TEP1: variants seen among roughly 807,000 people sequenced by gnomAD.
TEP1 encodes the protein telomerase associated protein 1.
In TEP1, 241 loss-of-function variants were observed where a neutral mutation model predicts 306.3. The ratio of observed to expected loss-of-function variants is 0.79; its 90% CI spans 0.71 to 0.88. The LOEUF (loss-of-function observed/expected upper bound fraction) is 0.88. Among genes scored for constraint, TEP1 ranks in the 40% least tolerant of loss-of-function variants. The probability of loss-of-function intolerance (pLI) is 0.00; values close to 1 mark genes in which losing one functional copy is unlikely to be tolerated. For synonymous variants in TEP1, 1,289 were observed against 1,305.5 expected (o/e 0.99, Z 0.27); for missense variants, 3,051 against 3,276.1 (o/e 0.93, Z 1.68).
chr14:20,386,669 C>A (rs1594347386), intron 18 of TEP1, 46 bp from the exon 19 acceptor site: 15 of 1,510,950 alleles, frequency 9.9e-6, no homozygotes, highest in African/African-American at 8.3e-5. Flanking sequence ...ATGATTCCCA[C>A]CCCCCATCCA....
chr14:20,378,676 G>A, intron 37 of TEP1, 78 bp downstream of exon 37: 1 of 1,578,590 alleles, frequency 6.3e-7, no homozygotes, highest in Non-Finnish European at 8.7e-7. Flanking sequence ...AGCAGCCTCT[G>A]CCGCACTGAG....
In TEP1 at chr14:20,370,081, T is replaced by C. The variant is rs144273794; in HGVS notation, c.7318-302A>G. On this transcript the variant is annotated intron_variant, in intron 51 of 54. Transcript: ENST00000262715. ...GGCGTGCGCCACCACACCCAGCTGA[T>C]TTTTTTATTTTTAGTAAAGATGGGG... is the stretch of plus-strand genomic sequence containing the variant. 1.0e-3 allele frequency among the ~76,000 whole-genome samples: 158 copies of C among 152,280 alleles called. 1 individual carries two copies. Among genetic ancestry groups the C allele is most frequent in the African/African-American group, 3.7e-3 (153 of 41,546 alleles).
rs1885245828 is a variant in TEP1 at position 20,377,445 on chromosome 14, G to A, written c.5923C>T (p.Leu1975=). The change falls in exon 41 of 55, where the codon CTG becomes TTG. Residue 1975 remains leucine (L), a synonymous_variant. Coordinates refer to ENST00000262715, the MANE Select transcript of TEP1 (RefSeq NM_007110.5). ...GQALDVAVSA[L]AWLSPKVLVS... Reference sequence around the variant, plus strand: ...AATACCTTGGGGCTTAGCCAGGCCAGGGCGGACACTGCCACATCCAGTGCC... The same window carrying A: ...AATACCTTGGGGCTTAGCCAGGCCAAGGCGGACACTGCCACATCCAGTGCC... 15 of 1,614,040 alleles carry A rather than the reference G, an allele frequency of 9.3e-6. No individual in the cohort carries two copies. Among genetic ancestry groups the A allele is most frequent in the African/African-American group, 1.3e-5 (1 of 74,912 alleles).
intron 12 of TEP1, among the ~76,000 whole-genome samples, chr14:20,393,556 C>T (rs968912764): frequency 6.6e-6 from 1 of 152,126 alleles, no homozygotes; most frequent in Admixed American, 6.5e-5. Flanking sequence ...CTTTGGGAGG[C>T]CGAGGTAGTT....
chr14:20,397,942 G>A (rs572566843), intron 9 of TEP1, among the ~76,000 whole-genome samples: 3 of 151,882 alleles, frequency 2.0e-5, no homozygotes, highest in Admixed American at 6.6e-5. Flanking sequence ...TAGTAGAGAC[G>A]GGGTTTCACC....
Position 20,373,806 on chromosome 14 carries a change from T to C in TEP1, c.6476A>G (p.Glu2159Gly). 2 of 1,612,518 alleles carry C rather than the reference T, an allele frequency of 1.2e-6. No homozygotes were observed. Among genetic ancestry groups the C allele is most frequent in the Non-Finnish European group, 1.7e-6 (2 of 1,179,852 alleles). ...SAVSAVAAVEEHVVSVSRDGT... is the reference protein window; with the variant it reads ...SAVSAVAAVEGHVVSVSRDGT... ...ATCCCGGCTCACAGACACCACGTGCTCCTCCTGCCCACAGAGCACAAGATC... is the reference window on the plus strand; with the variant it reads ...ATCCCGGCTCACAGACACCACGTGCCCCTCCTGCCCACAGAGCACAAGATC... The change falls in exon 45 of 55, where the codon GAG becomes GGG. Residue 2159 changes from glutamate (E) to glycine (G), a missense_variant. This residue lies in a region of TEP1 where 1,540 missense variants were observed against 1,705.9 expected (regional missense o/e 0.90). Transcript: ENST00000262715.
chr14:20,391,088 C>G lies in TEP1; in HGVS notation c.2106G>C (p.Leu702=), dbSNP rs1401367344. The G allele has an allele frequency of 1.9e-6, 3 of 1,613,916 alleles. No individual in the cohort carries two copies. In the African/African-American group the frequency reaches 4.0e-5, roughly 22 times the overall value. The part of the protein sequence containing the change: ...CPKSNPQGPP[L]NYALLLIGMM... Reference sequence around the variant, plus strand: ...TCCCAATCAACAGCAGTGCATAGTTCAGCGGGGGCTGATTGGACAAGTGTC... The same window carrying G: ...TCCCAATCAACAGCAGTGCATAGTTGAGCGGGGGCTGATTGGACAAGTGTC... The change falls in exon 14 of 55, where the codon CTG becomes CTC. Residue 702 remains leucine (L), a synonymous_variant. Coordinates refer to ENST00000262715, the MANE Select transcript of TEP1 (RefSeq NM_007110.5).
At chr14:20,390,830 G>A in intron 14 of TEP1, 72 bp from the exon 15 acceptor site, 1 of 1,612,846 alleles carries the variant, frequency 6.2e-7, no homozygotes, top group African/African-American at 1.3e-5. Flanking sequence ...CAGTCTGCTT[G>A]GGAAATCTTC....
At chr14:20,400,922 T>C (rs1878663001) in intron 9 of TEP1, 62 bp downstream of exon 9, 1 of 1,573,430 alleles carries the variant, frequency 6.4e-7, no homozygotes, top group East Asian at 2.3e-5. Context: ...AGTGAGGATC[T>C]AAAATGTGGA....
Position 20,366,668 on chromosome 14 carries a change from T to G in TEP1, c.*1769A>C, listed in dbSNP as rs1884489235. ...AGGGTACAGTGAGAGTAAAACTCAG[T>G]GCCCTTTAACTCCCCAAGTCTTCAA... On this transcript the variant is annotated 3_prime_UTR_variant, in exon 55 of 55. Transcript: ENST00000262715. 2.6e-5 allele frequency: 4 copies of G among 152,294 alleles called. No individual in the cohort carries two copies. In the South Asian group the frequency reaches 8.3e-4, roughly 32 times the overall value. The allele number at this position is 152,294 out of a possible 1,614,324, so 9.4% of individuals were successfully genotyped here.
At chr14:20,389,160 A>G in intron 17 of TEP1, 78 bp downstream of exon 17, 1 of 1,358,106 alleles carries the variant, frequency 7.4e-7, no homozygotes, top group Non-Finnish European at 1.0e-6. Context: ...AAAAAAAAAA[A>G]AGTGACTGGA....
Position 20,382,321 on chromosome 14 carries a change from GA to G in TEP1, c.4175del (p.Val1392AlafsTer9). 2 of 1,613,490 alleles carry G rather than the reference GA, an allele frequency of 1.2e-6. No individual in the cohort carries two copies. Among genetic ancestry groups the G allele is most frequent in the East Asian group, 4.5e-5 (2 of 44,870 alleles). ...TCAGGATGTGCTGCAGCAGCAGGGG[GA>G]CAGTGGCAGGCAGGGTCCGGAGTCT... is the stretch of plus-strand genomic sequence containing the variant. ...SERLRTLPAT[V>X]PLLLQHILST... On this transcript the variant is annotated frameshift_variant, in exon 29 of 55. Transcript: ENST00000262715. LOFTEE classifies it high-confidence loss of function.
chr14:20,405,284 T>C (rs1879086807), intron 4 of TEP1, among the ~76,000 whole-genome samples, 167 bp downstream of exon 4: 1 of 152,150 alleles, frequency 6.6e-6, no homozygotes, highest in African/African-American at 2.4e-5. Flanking sequence ...CTTTCCCCAC[T>C]CTTCACTGAA....
At chr14:20,404,526 T>A (rs1250755981) in intron 5 of TEP1, 85 bp downstream of exon 5, 13 of 1,500,430 alleles carry the variant, frequency 8.7e-6, no homozygotes, top group Non-Finnish European at 1.2e-5. Flanking sequence ...GAAACCAAAT[T>A]GCCTGAGAAT....
rs920022593 is a variant in TEP1 at position 20,408,414 on chromosome 14, G to C, written c.26C>G (p.Ser9Cys). The change falls in exon 2 of 55, where the codon TCT becomes TGT. Residue 9 changes from serine to cysteine, a missense_variant. By Grantham distance (112) the Ser-to-Cys change is moderately radical. Transcript: ENST00000262715. MEKLHGHVSAHPDILSLEN... is the reference protein window; with the variant it reads MEKLHGHVCAHPDILSLEN... ...CAAGGAGAGGATGTCTGGATGGGCA[G>C]ACACATGCCCATGGAGTTTTTCCAT... 1.2e-6 allele frequency: 2 copies of C among 1,613,658 alleles called. No homozygotes were observed. The highest frequency in any genetic ancestry group is 3.3e-5 in the Admixed American group (2 of 60,008).
chr14:20,394,640 C>T (rs531744124), intron 12 of TEP1, among the ~76,000 whole-genome samples: 63 of 152,212 alleles, frequency 4.1e-4, no homozygotes, highest in Non-Finnish European at 7.8e-4. Context: ...CCACCACACC[C>T]GGCTAATTTT....
chr14:20,389,429 G>A, intron 16 of TEP1, 132 bp from the exon 17 acceptor site: 1 of 1,421,236 alleles, frequency 7.0e-7, no homozygotes, highest in Non-Finnish European at 9.8e-7. Flanking sequence ...TAGGGCTAGG[G>A]TGGACTCTCA....
In TEP1 at chr14:20,368,481, C is replaced by A. The variant is rs188816293; in HGVS notation, c.7840G>T (p.Val2614Leu). 6.2e-7 allele frequency: 1 copy of A among 1,614,054 alleles called. No individual in the cohort carries two copies. Among genetic ancestry groups the A allele is most frequent in the Non-Finnish European group, 8.5e-7 (1 of 1,180,048 alleles). Residue 2614 changes from valine (V) to leucine (L), a missense_variant, in exon 55 of 55, where the codon GTG becomes TTG. Physicochemically the swap from Val to Leu is conservative, Grantham distance 32. This residue lies in a region of TEP1 where 1,540 missense variants were observed against 1,705.9 expected (regional missense o/e 0.90). Coordinates refer to ENST00000262715, the MANE Select transcript of TEP1 (RefSeq NM_007110.5). ...TACACATTGCCCTGCACGTCTCCCACGGCAAGCTGCAGGGTGGAGTTAGCG... is the reference window on the plus strand; with the variant it reads ...TACACATTGCCCTGCACGTCTCCCAAGGCAAGCTGCAGGGTGGAGTTAGCG... Reference protein sequence around the residue: ...LGANSTLQLAVGDVQGNVYFL... With the variant: ...LGANSTLQLALGDVQGNVYFL...
intron 5 of TEP1, among the ~76,000 whole-genome samples, chr14:20,404,096 T>C (rs1296143430): frequency 6.6e-6 from 1 of 152,178 alleles, no homozygotes; most frequent in East Asian, 1.9e-4. Flanking sequence ...CCTTTACGCC[T>C]GTAATCCCAG....
Sources: allele counts gnomAD v4.1 joint callset (sites outside exome capture counted in the v4.1 genomes callset), GRCh38; gene constraint gnomAD v4.1.1; regional missense constraint gnomAD v4.1.1; transcripts MANE v1.5; gene names NCBI Gene and HGNC (gene_info 2026-07-23, HGNC 2026-07-21).